The following RORB variants were observed in gnomAD, a reference collection of about 807,000 sequenced individuals.
RORB encodes nuclear receptor ROR-beta.
Under a neutral mutation model 59.1 loss-of-function variants are expected in RORB, and 6 were observed. The observed-to-expected ratio is 0.10, with a 90% CI of 0.06 to 0.20. RORB has a LOEUF of 0.20. Ranked by LOEUF, RORB falls within the 10% of genes least tolerant of loss-of-function variation. The pLI is 1.00. For missense variants in RORB, 320 were observed against 560.5 expected, an observed-to-expected ratio of 0.57 and a Z score of 4.33; for synonymous variants, 215 against 204.5, an observed-to-expected ratio of 1.05 and a Z score of -0.44.
At chr9:74,569,408 A>G (rs1822517211) in intron 1 of RORB, among the ~76,000 whole-genome samples, 1 of 152,150 alleles carries the variant, frequency 6.6e-6, no homozygotes, top group South Asian at 2.1e-4. Flanking sequence ...TTATTTATAA[A>G]TGTCAATGCT....
At chr9:74,575,508 A>C (rs1160979953) in intron 1 of RORB, among the ~76,000 whole-genome samples, 1 of 152,142 alleles carries the variant, frequency 6.6e-6, no homozygotes, top group East Asian at 1.9e-4. Flanking sequence ...CACCTGCCTG[A>C]CAGGAAAGCC....
chr9:74,606,012 T>C, intron 1 of RORB, among the ~76,000 whole-genome samples: 1 of 152,184 alleles, frequency 6.6e-6, no homozygotes, highest in East Asian at 1.9e-4. Flanking sequence ...GGAACACATG[T>C]GGAGAATCGC....
Position 74,570,530 on chromosome 9 carries a change from G to T in RORB, c.8-59752G>T, listed in dbSNP as rs1168241842. The stretch of plus-strand genomic sequence containing the variant: ...ATCGGCTTTACCTTCATGAAAAGAG[G>T]TCAAATGTTACTTTAATTAATCTTG... On this transcript the variant is annotated intron_variant, in intron 1 of 9. Transcript: ENST00000376896. Among the ~76,000 whole-genome samples the T allele has an allele frequency of 2.0e-5, 3 of 152,130 alleles. No homozygotes were observed. In the South Asian group the frequency reaches 6.2e-4, roughly 32 times the overall value.
intron 1 of RORB, among the ~76,000 whole-genome samples, chr9:74,609,298 C>G (rs1470530636): frequency 6.6e-6 from 1 of 152,164 alleles, no homozygotes; most frequent in Non-Finnish European, 1.5e-5. Flanking sequence ...AGTGTAGAAA[C>G]AGAACCCTCT....
At chr9:74,647,214 G>C (rs1271008951) in intron 4 of RORB, among the ~76,000 whole-genome samples, 4 of 152,186 alleles carry the variant, frequency 2.6e-5, no homozygotes, top group African/African-American at 7.2e-5. Flanking sequence ...GTGGCAGGGA[G>C]AGGAAGCTAG....
At chr9:74,638,023 A>T (rs1823733787) in intron 3 of RORB, among the ~76,000 whole-genome samples, 1 of 152,194 alleles carries the variant, frequency 6.6e-6, no homozygotes, top group Non-Finnish European at 1.5e-5. Context: ...CAGACTTCTA[A>T]TACAAAGCCT....
chr9:74,522,192 C>G (rs1287958555), intron 1 of RORB, among the ~76,000 whole-genome samples: 1 of 151,650 alleles, frequency 6.6e-6, no homozygotes, highest in African/African-American at 2.4e-5. Flanking sequence ...TTTTAGCATG[C>G]CTTCAATTTG....
At chr9:74,597,888 G>T (rs1822994368) in intron 1 of RORB, among the ~76,000 whole-genome samples, 1 of 151,954 alleles carries the variant, frequency 6.6e-6, no homozygotes, top group Admixed American at 6.6e-5. Context: ...AACCCGGGAG[G>T]CAGAGGTTGC....
At chr9:74,529,358 A>G (rs1826200615) in intron 1 of RORB, among the ~76,000 whole-genome samples, 1 of 151,782 alleles carries the variant, frequency 6.6e-6, no homozygotes, top group East Asian at 1.9e-4. Flanking sequence ...AAAGCTAGAA[A>G]AAAAAAAGTA....
chr9:74,528,004 G>A (rs557066957), intron 1 of RORB, among the ~76,000 whole-genome samples: 2 of 152,070 alleles, frequency 1.3e-5, no homozygotes, highest in East Asian at 1.9e-4. Context: ...CTATATAGAC[G>A]ATCAACAGAT....
intron 1 of RORB, among the ~76,000 whole-genome samples, chr9:74,499,559 G>C (rs1587327329): frequency 6.6e-6 from 1 of 152,292 alleles, no homozygotes; most frequent in East Asian, 1.9e-4. Context: ...CGCTGGGAGT[G>C]GGGCACCCGT....
rs752279035 is a variant in RORB, at chr9:74,662,459, T to C, written c.760-15T>C. On this transcript the variant is annotated splice_polypyrimidine_tract_variant and intron_variant, in intron 5 of 9. Coordinates refer to ENST00000376896, the MANE Select transcript of RORB (RefSeq NM_006914.4). ...TCGTTTGCCCTATTTACATTCTGTGTCTTCTCTCCTCAAGTCCAGGGAAGC... is the reference window on the plus strand; with the variant it reads ...TCGTTTGCCCTATTTACATTCTGTGCCTTCTCTCCTCAAGTCCAGGGAAGC... 2 of 1,613,698 alleles carry C rather than the reference T, an allele frequency of 1.2e-6. No homozygotes were observed. The highest frequency in any genetic ancestry group is 1.7e-5 in the Admixed American group (1 of 60,026).
chr9:74,672,330 T>TG (rs981763344), intron 9 of RORB, among the ~76,000 whole-genome samples: 2 of 152,160 alleles, frequency 1.3e-5, no homozygotes, highest in Non-Finnish European at 2.9e-5. Flanking sequence ...AATTGTTGTA[T>TG]GGGGGGTGGA....
At chr9:74,588,080 A>G (rs1191715727) in intron 1 of RORB, among the ~76,000 whole-genome samples, 3 of 152,102 alleles carry the variant, frequency 2.0e-5, no homozygotes, top group East Asian at 1.9e-4. Flanking sequence ...TTAAACAGTA[A>G]GTTTTCTCTG....
chr9:74,625,644 TAAG>T (rs1823499516), intron 1 of RORB, among the ~76,000 whole-genome samples: 1 of 152,204 alleles, frequency 6.6e-6, no homozygotes, highest in Non-Finnish European at 1.5e-5. Flanking sequence ...GCCTCTTTTA[TAAG>T]AAGGAGTATA....
intron 1 of RORB, among the ~76,000 whole-genome samples, chr9:74,542,557 A>G (rs1826425249): frequency 6.6e-6 from 1 of 152,166 alleles, no homozygotes; most frequent in Non-Finnish European, 1.5e-5. Context: ...ATTAACTAGA[A>G]TCACAGAAAG....
chr9:74,569,366 G>C (rs1469625314), intron 1 of RORB, among the ~76,000 whole-genome samples: 1 of 151,996 alleles, frequency 6.6e-6, no homozygotes, highest in East Asian at 1.9e-4. Context: ...ATATATTAAA[G>C]TATATAGTGT....
intron 9 of RORB, among the ~76,000 whole-genome samples, chr9:74,674,208 A>T (rs1384401015): frequency 6.6e-6 from 1 of 152,124 alleles, no homozygotes; most frequent in Non-Finnish European, 1.5e-5. Flanking sequence ...GATTCTTCTT[A>T]TCTTTGCAGA....
chr9:74,570,072 T>C (rs2118224424), intron 1 of RORB, among the ~76,000 whole-genome samples: 1 of 152,216 alleles, frequency 6.6e-6, no homozygotes, highest in East Asian at 1.9e-4. Flanking sequence ...ATACTAAAAT[T>C]CTTCCTTCTT....
Sources: allele counts gnomAD v4.1 joint callset (sites outside exome capture counted in the v4.1 genomes callset), GRCh38; gene constraint gnomAD v4.1.1; transcripts MANE v1.5; gene names NCBI Gene and HGNC (gene_info 2026-07-23, HGNC 2026-07-21).